The following CRADD variants were observed in gnomAD, a reference collection of about 807,000 sequenced individuals.
CRADD encodes the protein CARD and death domain containing adaptor protein.
CRADD carries 9 observed loss-of-function variants against 15.5 expected under a neutral mutation model. The ratio of observed to expected loss-of-function variants is 0.58; its 90% CI spans 0.35 to 1.01. The LOEUF is 1.01. Ranked by LOEUF, CRADD falls within the 50% of genes least tolerant of loss-of-function variation. CRADD has a pLI of 0.02. For missense variants in CRADD, 227 were observed against 250.3 expected (o/e 0.91, Z 0.63); for synonymous variants, 118 against 107.6 (o/e 1.10, Z -0.60).
chr12:93,723,260 C>T (rs1956296680), intron 2 of CRADD, among the ~76,000 whole-genome samples: 1 of 152,222 alleles, frequency 6.6e-6, no homozygotes, highest in Non-Finnish European at 1.5e-5. Flanking sequence ...GAAATTCTGG[C>T]TCAGGAGTCA....
At chr12:93,747,988 G>GAA (rs142890136) in intron 2 of CRADD, among the ~76,000 whole-genome samples, 54 of 150,994 alleles carry the variant, frequency 3.6e-4, no homozygotes, top group Middle Eastern at 3.5e-3. Flanking sequence ...GTAAAGTGGA[G>GAA]AAAAAAATAT....
chr12:93,812,430 T>G (rs1957638841), intron 2 of CRADD, among the ~76,000 whole-genome samples: 1 of 151,984 alleles, frequency 6.6e-6, no homozygotes, highest in Admixed American at 6.6e-5. Flanking sequence ...ATCCTAGCAC[T>G]TTGGGAGGCC....
chr12:93,724,270 T>C (rs1028543253), intron 2 of CRADD, among the ~76,000 whole-genome samples: 3 of 151,948 alleles, frequency 2.0e-5, no homozygotes, highest in Non-Finnish European at 4.4e-5. Flanking sequence ...TCCCAGCTAC[T>C]TGGGAGGCTG....
rs1956621339 is a variant in CRADD, at chr12:93,738,591, A to C, written c.298+59519A>C. ...CCCCGCTCCCACCGCCACCCCCTGCACCACACGCCAGCCCTTAATAAAAAC... is the reference window on the plus strand; with the variant it reads ...CCCCGCTCCCACCGCCACCCCCTGCCCCACACGCCAGCCCTTAATAAAAAC... On this transcript the variant is annotated intron_variant, in intron 2 of 2. Coordinates refer to ENST00000332896, the MANE Select transcript of CRADD (RefSeq NM_003805.5). 6.3e-6 allele frequency: 4 copies of C among 637,324 alleles called. No homozygotes were observed. In the East Asian group the frequency reaches 1.1e-4, roughly 18 times the overall value. 39.5% of individuals were successfully genotyped at this position (637,324 alleles called of 1,614,324 possible).
chr12:93,700,807 G>A (rs960934786), intron 2 of CRADD, among the ~76,000 whole-genome samples: 6 of 152,052 alleles, frequency 3.9e-5, no homozygotes, highest in African/African-American at 1.2e-4. Flanking sequence ...TTTGCCTATA[G>A]TGTGAATGTT....
At chr12:93,745,499 T>C (rs1007685183) in intron 2 of CRADD, among the ~76,000 whole-genome samples, 5 of 152,164 alleles carry the variant, frequency 3.3e-5, no homozygotes, top group Admixed American at 6.5e-5. Context: ...CACAGTCTCA[T>C]ACTAGGAAGC....
Position 93,768,947 on chromosome 12 carries a change from C to CA in CRADD, c.299-81021dup, listed in dbSNP as rs756030738. Among the ~76,000 whole-genome samples, 19 of 152,216 alleles carry CA rather than the reference C, an allele frequency of 1.2e-4. No individual in the cohort carries two copies. In the Middle Eastern group the frequency reaches 0.017, roughly 136 times the overall value. On this transcript the variant is annotated intron_variant, in intron 2 of 2. Coordinates refer to ENST00000332896, the MANE Select transcript of CRADD (RefSeq NM_003805.5). Reference sequence around the variant, plus strand: ...TTTTGATTTTTTTACTTACTTTACTCAATATTTGTTTGTGAGATTCATCCA... The same window carrying CA: ...TTTTGATTTTTTTACTTACTTTACTCAAATATTTGTTTGTGAGATTCATCCA...
intron 2 of CRADD, among the ~76,000 whole-genome samples, chr12:93,724,323 G>A (rs1166468449): frequency 1.3e-5 from 2 of 150,914 alleles, no homozygotes; most frequent in Non-Finnish European, 2.9e-5. Flanking sequence ...AGGCTGCAGA[G>A]AGCCCTGATC....
chr12:93,838,862 G>A (rs1958014601), intron 2 of CRADD, among the ~76,000 whole-genome samples: 1 of 151,854 alleles, frequency 6.6e-6, no homozygotes, highest in Admixed American at 6.6e-5. Context: ...TGGCTCAGGT[G>A]ATCTTCCCAC....
intron 2 of CRADD, among the ~76,000 whole-genome samples, chr12:93,823,899 GAAA>G (rs1021676960): frequency 1.3e-5 from 2 of 152,198 alleles, no homozygotes; most frequent in Non-Finnish European, 2.9e-5. Flanking sequence ...CACAGGCCGG[GAAA>G]TTGTCAAATA....
At chr12:93,859,893 ATTT>A (rs11295660) in intron 2 of CRADD, among the ~76,000 whole-genome samples, 2 of 147,076 alleles carry the variant, frequency 1.4e-5, no homozygotes, top group Admixed American at 6.7e-5. Flanking sequence ...CGACCAGCTA[ATTT>A]TTTTTTTTTT....
intron 2 of CRADD, among the ~76,000 whole-genome samples, chr12:93,822,151 G>A (rs888518626): frequency 6.6e-5 from 10 of 151,534 alleles, no homozygotes; most frequent in African/African-American, 2.2e-4. Flanking sequence ...CAATGAGTCA[G>A]TGGCACAAAA....
At chr12:93,891,674 A>G (rs1016648745) in intron 2 of CRADD, among the ~76,000 whole-genome samples, 1 of 152,160 alleles carries the variant, frequency 6.6e-6, no homozygotes, top group Non-Finnish European at 1.5e-5. Context: ...TTCATGGTCA[A>G]TCTATTATTA....
intron 2 of CRADD, among the ~76,000 whole-genome samples, chr12:93,706,021 T>C (rs548583668): frequency 1.3e-5 from 2 of 152,244 alleles, no homozygotes; most frequent in Non-Finnish European, 2.9e-5. Context: ...GAAGTTAATA[T>C]GTTTTTCTTC....
chr12:93,749,935 G>A (rs1956811204), intron 2 of CRADD, among the ~76,000 whole-genome samples: 1 of 152,148 alleles, frequency 6.6e-6, no homozygotes, highest in Non-Finnish European at 1.5e-5. Flanking sequence ...ACAGCTCCTT[G>A]TACATAGTAG....
At chr12:93,795,468 C>T (rs376198280) in intron 2 of CRADD, among the ~76,000 whole-genome samples, 16 of 152,272 alleles carry the variant, frequency 1.1e-4, no homozygotes, top group East Asian at 9.7e-4. Flanking sequence ...GTCCAGTTTC[C>T]TAGTTTCTCA....
chr12:93,849,923 T>A, intron 2 of CRADD, 47 bp from the exon 3 acceptor site: 3 of 1,076,768 alleles, frequency 2.8e-6, no homozygotes, highest in Non-Finnish European at 4.3e-6. Context: ...CCAAATGATG[T>A]GTTTGTTGCC....
At chr12:93,679,147 T>C in intron 2 of CRADD, 75 bp downstream of exon 2, 1 of 1,221,008 alleles carries the variant, frequency 8.2e-7, no homozygotes, top group Non-Finnish European at 1.2e-6. Flanking sequence ...TGTTTATTTG[T>C]TTGTTTGTTT....
intron 2 of CRADD, among the ~76,000 whole-genome samples, chr12:93,795,410 G>A (rs1414461092): frequency 6.6e-6 from 1 of 152,132 alleles, no homozygotes; most frequent in African/African-American, 2.4e-5. Flanking sequence ...TGGGCTCTTT[G>A]TCATTTTCAA....
Sources: allele counts gnomAD v4.1 joint callset (sites outside exome capture counted in the v4.1 genomes callset), GRCh38; gene constraint gnomAD v4.1.1; transcripts MANE v1.5; gene names NCBI Gene and HGNC (gene_info 2026-07-23, HGNC 2026-07-21).